The following NLGN4X variants were observed in gnomAD, a reference collection of about 807,000 sequenced individuals.
NLGN4X encodes the protein neuroligin-4, X-linked.
A neutral mutation model predicts 40.3 loss-of-function variants in NLGN4X; 3 were observed. That is an observed-to-expected ratio of 0.07 (90% CI 0.03 to 0.19). The LOEUF is 0.19. Ranked by LOEUF, NLGN4X falls within the 10% of genes least tolerant of loss-of-function variation. The pLI is 1.00. For synonymous variants in NLGN4X, 270 were observed against 306.8 expected (o/e 0.88, Z 1.25); for missense variants, 382 against 708.3 (o/e 0.54, Z 5.23).
intron 2 of NLGN4X, among the ~76,000 whole-genome samples, chrX:6,127,380 G>A (rs1305349084): frequency 1.8e-5 from 2 of 112,661 alleles, no homozygotes; most frequent in Admixed American, 9.3e-5. Flanking sequence ...TTGGGAGGCC[G>A]AGGGTGGATC....
chrX:5,932,735 G>GA (rs1393995564), intron 3 of NLGN4X, among the ~76,000 whole-genome samples: 1 of 110,323 alleles, frequency 9.1e-6, no homozygotes, highest in Non-Finnish European at 1.9e-5. Context: ...ATAAAGGAGA[G>GA]AAAGGCATCC....
At chrX:5,991,613 G>A in intron 3 of NLGN4X, 1 of 441,074 alleles carries the variant, frequency 2.3e-6, no homozygotes, top group Non-Finnish European at 4.2e-6. Context: ...TCAGCATGCA[G>A]TGTTCAGAGG....
At chrX:6,017,109 G>T (rs917269922) in intron 3 of NLGN4X, among the ~76,000 whole-genome samples, 5 of 111,682 alleles carry the variant, frequency 4.5e-5, no homozygotes, top group African/African-American at 1.6e-4. Context: ...GATGTAAGTT[G>T]TTTCAAATAA....
chrX:5,986,016 GA>G (rs2035521821), intron 3 of NLGN4X, among the ~76,000 whole-genome samples: 1 of 111,587 alleles, frequency 9.0e-6, no homozygotes, highest in South Asian at 3.7e-4. Context: ...AAAAATATAC[GA>G]AAAGATTTTA....
At chrX:6,047,629 C>T (rs940889670) in intron 2 of NLGN4X, among the ~76,000 whole-genome samples, 2 of 112,143 alleles carry the variant, frequency 1.8e-5, no homozygotes, top group African/African-American at 6.5e-5. Flanking sequence ...AAGAGCTAGA[C>T]ATGGAGACAT....
At chrX:5,952,691 A>G (rs1344127394) in intron 3 of NLGN4X, among the ~76,000 whole-genome samples, 1 of 111,258 alleles carries the variant, frequency 9.0e-6, no homozygotes, top group East Asian at 2.8e-4. Context: ...GAATTGGCTC[A>G]TGCAATGTGG....
At chrX:5,989,080 A>T (rs756876098) in intron 3 of NLGN4X, among the ~76,000 whole-genome samples, 7,309 of 105,158 alleles carry the variant, frequency 0.07, 675 homozygotes, top group African/African-American at 0.24. Context: ...AAAAATAAAA[A>T]AAATAAAAAA....
chrX:6,076,275 G>A (rs956195448), intron 2 of NLGN4X, among the ~76,000 whole-genome samples: 3 of 111,846 alleles, frequency 2.7e-5, no homozygotes, highest in Admixed American at 9.5e-5. Flanking sequence ...TATGTTATCC[G>A]AGAACACCCA....
At chrX:5,954,535 T>C (rs1284349515) in intron 3 of NLGN4X, among the ~76,000 whole-genome samples, 1 of 106,473 alleles carries the variant, frequency 9.4e-6, no homozygotes, top group Non-Finnish European at 1.9e-5. Flanking sequence ...CACGCCAGCC[T>C]CATACATTGA....
chrX:5,950,630 G>C (rs1378697301), intron 3 of NLGN4X, among the ~76,000 whole-genome samples: 1 of 112,082 alleles, frequency 8.9e-6, no homozygotes, highest in African/African-American at 3.2e-5. Flanking sequence ...ACAAGGAGAT[G>C]AAAGTGTATA....
intron 1 of NLGN4X, among the ~76,000 whole-genome samples, chrX:6,205,667 A>G (rs1923972545): frequency 8.9e-6 from 1 of 112,355 alleles, no homozygotes; most frequent in Admixed American, 9.4e-5. Context: ...AGAGTCAGAC[A>G]TAGAATAAAG....
intron 3 of NLGN4X, among the ~76,000 whole-genome samples, chrX:6,005,733 G>A (rs921328171): frequency 1.8e-5 from 2 of 111,234 alleles, no homozygotes; most frequent in Admixed American, 1.9e-4. Flanking sequence ...CCTTCCCCGA[G>A]ATTCTAGTAA....
chrX:6,099,636 C>G (rs2038862423), intron 2 of NLGN4X, among the ~76,000 whole-genome samples: 1 of 112,169 alleles, frequency 8.9e-6, no homozygotes, highest in Non-Finnish European at 1.9e-5. Flanking sequence ...ACAGCAAGTG[C>G]TCATTAAATA....
intron 2 of NLGN4X, among the ~76,000 whole-genome samples, chrX:6,130,045 T>TCAGC (rs1449544322): frequency 9.1e-6 from 1 of 109,685 alleles, no homozygotes; most frequent in African/African-American, 3.3e-5. Context: ...GCCATCACAC[T>TCAGC]CAGCTAACTT....
chrX:6,050,687 TTATC>T (rs778726018), intron 2 of NLGN4X, among the ~76,000 whole-genome samples: 4 of 111,701 alleles, frequency 3.6e-5, no homozygotes, highest in South Asian at 3.8e-4. Flanking sequence ...ATCTATCTAT[TTATC>T]TATCTATTCT....
At chrX:5,983,975 T>A (rs771183657) in intron 3 of NLGN4X, among the ~76,000 whole-genome samples, 1 of 110,163 alleles carries the variant, frequency 9.1e-6, no homozygotes, top group Admixed American at 9.7e-5. Context: ...AAATATAAAA[T>A]AGAGAGTTAG....
In NLGN4X at chrX:6,133,165, C is replaced by T. The variant is rs375401096; in HGVS notation, c.472+17830G>A. 3.8e-3 allele frequency among the ~76,000 whole-genome samples: 310 copies of T among 80,687 alleles called. 1 individual carries two copies. Among genetic ancestry groups the T allele is most frequent in the African/African-American group, 0.011 (285 of 25,246 alleles). The allele number at this position is 80,687 out of a possible 115,157, so 70.1% of individuals were successfully genotyped here. On this transcript the variant is annotated intron_variant, in intron 2 of 5. Transcript: ENST00000381095. ...TCACGATAACCACCATCATCATTAT[C>T]ACCATCATCACTATCACCATCACCA... is the stretch of plus-strand genomic sequence containing the variant.
At chrX:5,924,624 C>A (rs2033200281) in intron 3 of NLGN4X, among the ~76,000 whole-genome samples, 1 of 111,520 alleles carries the variant, frequency 9.0e-6, no homozygotes, top group African/African-American at 3.3e-5. Flanking sequence ...AATCAACGAG[C>A]GGATAAAGAA....
intron 3 of NLGN4X, among the ~76,000 whole-genome samples, chrX:5,940,235 T>C (rs1029305168): frequency 1.8e-5 from 2 of 111,257 alleles, no homozygotes; most frequent in African/African-American, 6.6e-5. Flanking sequence ...ACTAAATCAG[T>C]GCCTATAACT....
Sources: gnomAD v4.1 joint callset for allele counts (sites outside exome capture counted in the v4.1 genomes callset) on GRCh38, gnomAD v4.1.1 for gene constraint, MANE v1.5 for transcripts, NCBI Gene and HGNC (gene_info 2026-07-23, HGNC 2026-07-21) for gene names.